JAZF1: variants seen among roughly 807,000 people sequenced by gnomAD.
The protein encoded by JAZF1 is JAZF zinc finger 1.
Under a neutral mutation model 26.4 loss-of-function variants are expected in JAZF1, and 8 were observed. That is an observed-to-expected ratio of 0.30 (90% confidence interval 0.18 to 0.55). The LOEUF is 0.55. JAZF1 is among the 20% of genes least tolerant of loss of function. The probability of loss-of-function intolerance (pLI) is 0.94; values close to 1 mark genes in which losing one functional copy is unlikely to be tolerated. For missense variants in JAZF1, 199 were observed against 322.0 expected, an observed-to-expected ratio of 0.62 and a Z score of 2.92; for synonymous variants, 126 against 122.3, an observed-to-expected ratio of 1.03 and a Z score of -0.20.
chr7:28,020,416 T>G (rs531334498), intron 1 of JAZF1: 1 of 368,214 alleles, frequency 2.7e-6, no homozygotes. Context: ...GGGGTAACAC[T>G]GCTGCAGAAG....
At chr7:27,918,790 T>C (rs1051278293) in intron 2 of JAZF1, among the ~76,000 whole-genome samples, 1 of 151,340 alleles carries the variant, frequency 6.6e-6, no homozygotes, top group East Asian at 1.9e-4. Context: ...CTTTCCAAAA[T>C]GAATTAAGGA....
rs149151488 is a variant in JAZF1 at position 28,104,128 on chromosome 7, C to T, written c.115+76335G>A. Among the ~76,000 whole-genome samples the T allele has an allele frequency of 6.6e-3, 998 of 152,256 alleles. 12 individuals carry two copies. The highest frequency in any genetic ancestry group is 7.2e-3 in the Non-Finnish European group (492 of 68,022). On this transcript the variant is annotated intron_variant, in intron 1 of 4. Transcript: ENST00000283928. ...CTTGGAATGCTGTTCTCCCAGCTGGCCACCTTCCCACTTCCTGCAGGTCAT... is the reference window on the plus strand; with the variant it reads ...CTTGGAATGCTGTTCTCCCAGCTGGTCACCTTCCCACTTCCTGCAGGTCAT...
At chr7:27,945,611 C>A (rs1440967832) in intron 2 of JAZF1, among the ~76,000 whole-genome samples, 1 of 149,936 alleles carries the variant, frequency 6.7e-6, no homozygotes, top group Admixed American at 6.6e-5. Context: ...TGGTTCATCA[C>A]CATGCCCTTG....
chr7:28,116,144 T>C (rs1784737996), intron 1 of JAZF1, among the ~76,000 whole-genome samples: 1 of 152,224 alleles, frequency 6.6e-6, no homozygotes, highest in Non-Finnish European at 1.5e-5. Flanking sequence ...TGTATTCAGA[T>C]GTATCTGCAG....
chr7:28,130,859 T>C (rs1782782501), intron 1 of JAZF1, among the ~76,000 whole-genome samples: 1 of 152,184 alleles, frequency 6.6e-6, no homozygotes, highest in African/African-American at 2.4e-5. Flanking sequence ...ATACCAAATG[T>C]ATGTGTGTTG....
At chr7:28,084,547 T>A (rs537290637) in intron 1 of JAZF1, among the ~76,000 whole-genome samples, 1 of 152,212 alleles carries the variant, frequency 6.6e-6, no homozygotes. Flanking sequence ...CACAAACTTG[T>A]AGAAGTACTG....
At chr7:28,152,543 T>C (rs1013505235) in intron 1 of JAZF1, among the ~76,000 whole-genome samples, 1 of 152,218 alleles carries the variant, frequency 6.6e-6, no homozygotes, top group Non-Finnish European at 1.5e-5. Flanking sequence ...GGATTAGTTT[T>C]TTCTATCTCC....
chr7:27,888,968 C>A (rs1320670119), intron 3 of JAZF1, among the ~76,000 whole-genome samples: 1 of 152,138 alleles, frequency 6.6e-6, no homozygotes, highest in African/African-American at 2.4e-5. Context: ...ATCTGTCAGT[C>A]CCACTGGATT....
intron 3 of JAZF1, among the ~76,000 whole-genome samples, chr7:27,857,291 G>C (rs969323168): frequency 6.6e-6 from 1 of 152,224 alleles, no homozygotes; most frequent in African/African-American, 2.4e-5. Flanking sequence ...TTGCGGGCTG[G>C]CTGGCCGCTC....
intron 2 of JAZF1, among the ~76,000 whole-genome samples, chr7:27,912,673 A>C (rs1055955425): frequency 3.3e-5 from 5 of 152,212 alleles, no homozygotes; most frequent in Non-Finnish European, 7.3e-5. Flanking sequence ...AAGCCAATTA[A>C]GACATTTCCA....
intron 2 of JAZF1, among the ~76,000 whole-genome samples, chr7:27,931,628 C>G (rs984815055): frequency 6.6e-6 from 1 of 151,982 alleles, no homozygotes; most frequent in Non-Finnish European, 1.5e-5. Context: ...CCAGCCTGGC[C>G]AATATGGTGA....
At chr7:28,126,344 A>G (rs951732834) in intron 1 of JAZF1, among the ~76,000 whole-genome samples, 3 of 152,178 alleles carry the variant, frequency 2.0e-5, no homozygotes, top group Admixed American at 2.0e-4. Context: ...GGAGAGATAA[A>G]TACATAAATA....
At chr7:28,160,009 C>CA (rs1174377966) in intron 1 of JAZF1, among the ~76,000 whole-genome samples, 2 of 152,056 alleles carry the variant, frequency 1.3e-5, no homozygotes, top group Non-Finnish European at 2.9e-5. Context: ...CTTATAATAG[C>CA]AAAAAAGCAG....
chr7:28,062,235 AT>A (rs1783808873), intron 1 of JAZF1, among the ~76,000 whole-genome samples: 1 of 152,110 alleles, frequency 6.6e-6, no homozygotes, highest in South Asian at 2.1e-4. Context: ...GACTCGAAGC[AT>A]TTCTTCCTTA....
At chr7:27,917,589 G>A (rs148356330) in intron 2 of JAZF1, among the ~76,000 whole-genome samples, 2 of 152,302 alleles carry the variant, frequency 1.3e-5, no homozygotes, top group African/African-American at 4.8e-5. Flanking sequence ...CAGCAAATGA[G>A]AACAGGAGGG....
intron 2 of JAZF1, among the ~76,000 whole-genome samples, chr7:27,938,219 T>A (rs539748221): frequency 5.1e-4 from 77 of 152,362 alleles, no homozygotes; most frequent in African/African-American, 1.8e-3. Context: ...GTAACATCCA[T>A]CCTCAAATGA....
chr7:27,919,218 G>T (rs796620782), intron 2 of JAZF1, among the ~76,000 whole-genome samples: 2 of 152,206 alleles, frequency 1.3e-5, no homozygotes, highest in African/African-American at 4.8e-5. Flanking sequence ...CTTAGGAGAG[G>T]AAATGCTCAA....
chr7:27,977,861 C>T (rs768485297), intron 2 of JAZF1, among the ~76,000 whole-genome samples: 93 of 152,314 alleles, frequency 6.1e-4, no homozygotes, highest in African/African-American at 7.5e-4. Flanking sequence ...CCTCAGACAG[C>T]GAGGGCCAGG....
intron 2 of JAZF1, among the ~76,000 whole-genome samples, chr7:27,965,604 T>C (rs2038213028): frequency 6.6e-6 from 1 of 152,214 alleles, no homozygotes; most frequent in Non-Finnish European, 1.5e-5. Context: ...TTGAGCATAT[T>C]CAGTAAAATG....
Sources: allele counts gnomAD v4.1 joint callset (sites outside exome capture counted in the v4.1 genomes callset), GRCh38; gene constraint gnomAD v4.1.1; transcripts MANE v1.5; gene names NCBI Gene and HGNC (gene_info 2026-07-23, HGNC 2026-07-21).